Variants in C10orf67 observed in about 807,000 individuals in gnomAD.
The protein encoded by C10orf67 is uncharacterized protein C10orf67, mitochondrial.
In C10orf67, 60 loss-of-function variants were observed where a neutral mutation model predicts 35.6. The ratio of observed to expected loss-of-function variants is 1.68; its 90% CI spans 1.37 to 2.09. The LOEUF is 2.09. Ranked by LOEUF, C10orf67 falls within the 30% of genes most tolerant of loss-of-function variation. C10orf67 has a pLI of 0.00. For synonymous variants in C10orf67, 167 were observed against 115.8 expected (o/e 1.44, Z -2.84); for missense variants, 474 against 330.2 (o/e 1.44, Z -3.38).
chr10:23,236,025 G>A (rs1259818912), intron 13 of C10orf67, among the ~76,000 whole-genome samples: 1 of 151,894 alleles, frequency 6.6e-6, no homozygotes, highest in African/African-American at 2.4e-5. Flanking sequence ...GAGGCGGGCG[G>A]ATCACAAGGT....
rs572361546 is a variant in C10orf67, at chr10:23,247,894, C to T, written c.1346+2561G>A. 3.3e-5 allele frequency among the ~76,000 whole-genome samples: 5 copies of T among 152,304 alleles called. No individual in the cohort carries two copies. The South Asian group carries it at 8.3e-4, about 25-fold the overall frequency. ...TCTTTCTTTACCTGTGTGGTGAGGA[C>T]ACAGGTGTTTACTTTGTTGAAGTAA... On this transcript the variant is annotated intron_variant, in intron 12 of 15. Coordinates refer to ENST00000636213, the MANE Select transcript of C10orf67 (RefSeq NM_001371909.1).
At chr10:23,328,971 T>C (rs1235622035) in intron 2 of C10orf67, among the ~76,000 whole-genome samples, 4 of 106,810 alleles carry the variant, frequency 3.7e-5, no homozygotes, top group Non-Finnish European at 6.9e-5. Context: ...GGCAACAGAG[T>C]GGACCCTGTC....
intron 4 of C10orf67, among the ~76,000 whole-genome samples, chr10:23,319,829 G>C (rs1375685388): frequency 6.6e-6 from 1 of 152,192 alleles, no homozygotes; most frequent in Non-Finnish European, 1.5e-5. Flanking sequence ...GCCTATGTCT[G>C]TGCTATAGCT....
chr10:23,274,058 C>T (rs1449191781), intron 8 of C10orf67, among the ~76,000 whole-genome samples: 4 of 152,068 alleles, frequency 2.6e-5, no homozygotes, highest in South Asian at 2.1e-4. Context: ...ATGGCGCCCC[C>T]GAGCTGCAAA....
chr10:23,204,306 C>A, intron 15 of C10orf67, 51 bp from the exon 16 acceptor site: 1 of 522,546 alleles, frequency 1.9e-6, no homozygotes, highest in Non-Finnish European at 3.5e-6. Flanking sequence ...ACTTATCATA[C>A]ACAGACCACT....
chr10:23,292,765 A>C (rs1425832881), intron 5 of C10orf67, among the ~76,000 whole-genome samples: 4 of 151,600 alleles, frequency 2.6e-5, no homozygotes, highest in African/African-American at 9.7e-5. Context: ...AATATTTAAA[A>C]TATGTTCTTA....
intron 4 of C10orf67, chr10:23,318,876 C>A (rs752163768): frequency 5.1e-6 from 4 of 776,988 alleles, no homozygotes; most frequent in Non-Finnish European, 9.6e-6. Flanking sequence ...ACCTTGCTAC[C>A]TTCAGCACAT....
intron 13 of C10orf67, among the ~76,000 whole-genome samples, chr10:23,227,172 G>A (rs1400820129): frequency 5.3e-5 from 8 of 152,104 alleles, no homozygotes; most frequent in South Asian, 2.1e-4. Flanking sequence ...GATGAACATC[G>A]ATGCAAAAAT....
At position 23,258,804 on chromosome 10, in the gene C10orf67, G is replaced by A. The variant is rs148814624; in HGVS notation, c.1200+7458C>T. Among the ~76,000 whole-genome samples the A allele has an allele frequency of 5.3e-5, 8 of 152,324 alleles. No individual in the cohort carries two copies. The East Asian group carries it at 1.3e-3, about 26-fold the overall frequency. ...TTCCCCCAGGAATATGGAACATGGA[G>A]GAATAGCAATGTTCATTGTCTGGAA... On this transcript the variant is annotated intron_variant, in intron 10 of 15. Transcript: ENST00000636213.
intron 8 of C10orf67, among the ~76,000 whole-genome samples, chr10:23,275,318 C>T (rs1843157162): frequency 6.6e-6 from 1 of 152,136 alleles, no homozygotes; most frequent in African/African-American, 2.4e-5. Context: ...GATCGCATCT[C>T]TTAAAAACAA....
intron 15 of C10orf67, among the ~76,000 whole-genome samples, chr10:23,204,507 T>G (rs1326175457): frequency 6.6e-6 from 1 of 152,160 alleles, no homozygotes; most frequent in Non-Finnish European, 1.5e-5. Context: ...TCTGGGGCTC[T>G]CCGGCAGCCC....
intron 15 of C10orf67, among the ~76,000 whole-genome samples, chr10:23,207,392 AC>A: frequency 6.6e-6 from 1 of 152,328 alleles, no homozygotes; most frequent in Non-Finnish European, 1.5e-5. Context: ...CTGTACAAAA[AC>A]TTTTATTTTT....
chr10:23,304,971 G>T (rs1428840531), intron 4 of C10orf67, among the ~76,000 whole-genome samples: 1 of 152,124 alleles, frequency 6.6e-6, no homozygotes, highest in Non-Finnish European at 1.5e-5. Context: ...CCCAGCAGCA[G>T]CCACGTAACT....
intron 15 of C10orf67, among the ~76,000 whole-genome samples, chr10:23,216,587 A>G (rs760402882): frequency 3.9e-5 from 6 of 152,208 alleles, no homozygotes; most frequent in African/African-American, 7.2e-5. Context: ...CATCAACAGC[A>G]GAATGAATAT....
At chr10:23,224,013 T>C (rs930303969) in intron 13 of C10orf67, among the ~76,000 whole-genome samples, 195 bp from the exon 14 acceptor site, 1 of 152,206 alleles carries the variant, frequency 6.6e-6, no homozygotes, top group Admixed American at 6.5e-5. Flanking sequence ...CAGACCACTT[T>C]GAAAGAAAAT....
At chr10:23,258,379 G>T in intron 10 of C10orf67, 1 of 169,368 alleles carries the variant, frequency 5.9e-6, no homozygotes, top group Non-Finnish European at 1.4e-5. Flanking sequence ...GTTTCTGATT[G>T]GCACCTTTCT....
intron 7 of C10orf67, among the ~76,000 whole-genome samples, chr10:23,285,170 T>C (rs527628796): frequency 6.6e-6 from 1 of 152,104 alleles, no homozygotes; most frequent in Admixed American, 6.5e-5. Context: ...AGACAGGCAC[T>C]GGCCCCAGGG....
intron 3 of C10orf67, among the ~76,000 whole-genome samples, chr10:23,321,296 C>T (rs7919339): frequency 0.035 from 5,400 of 152,252 alleles, 307 homozygotes; most frequent in African/African-American, 0.12. Context: ...AAAAATAATA[C>T]CCATGATTCT....
At chr10:23,270,830 G>C (rs564719450) in intron 8 of C10orf67, among the ~76,000 whole-genome samples, 1 of 152,234 alleles carries the variant, frequency 6.6e-6, no homozygotes, top group South Asian at 2.1e-4. Context: ...ATAGTGGCCA[G>C]ACTGCTTCTT....
Sources: allele counts gnomAD v4.1 joint callset (sites outside exome capture counted in the v4.1 genomes callset), GRCh38; gene constraint gnomAD v4.1.1; transcripts MANE v1.5; gene names NCBI Gene and HGNC (gene_info 2026-07-23, HGNC 2026-07-21).